Variants in PVT1 observed in about 807,000 individuals in gnomAD.
PVT1 encodes Pvt1 oncogene.
intron 3 of PVT1, among the ~76,000 whole-genome samples, chr8:127,928,457 GTCT>G (rs1816159209): frequency 6.6e-6 from 1 of 152,174 alleles, no homozygotes; most frequent in Admixed American, 6.5e-5. Flanking sequence ...GTCCTGAATT[GTCT>G]TCTTTATCAT....
chr8:128,040,857 TTGTA>T (rs1222632490), intron 4 of PVT1, among the ~76,000 whole-genome samples: 5 of 151,714 alleles, frequency 3.3e-5, no homozygotes, highest in African/African-American at 1.2e-4. Flanking sequence ...GCTTGTGTAT[TTGTA>T]TGTGTATTGT....
intron 2 of PVT1, among the ~76,000 whole-genome samples, chr8:127,817,381 ATATC>A (rs58873616): frequency 0.43 from 59,737 of 138,966 alleles, 13,425 homozygotes; most frequent in African/African-American, 0.53. Context: ...TTAAATATAT[ATATC>A]TATTTAATAT....
intron 3 of PVT1, among the ~76,000 whole-genome samples, chr8:127,942,399 C>T (rs994085476): frequency 2.0e-4 from 31 of 152,328 alleles, no homozygotes; most frequent in Admixed American, 8.5e-4. Context: ...CCACCTCTCT[C>T]ATTAAGGCTT....
chr8:127,957,640 T>C (rs1563650076), intron 3 of PVT1, among the ~76,000 whole-genome samples: 1 of 151,732 alleles, frequency 6.6e-6, no homozygotes, highest in Non-Finnish European at 1.5e-5. Flanking sequence ...TGGTCTTCAT[T>C]TTATAGGTGA....
intron 3 of PVT1, among the ~76,000 whole-genome samples, chr8:127,949,618 T>C (rs1164926386): frequency 1.3e-5 from 2 of 151,808 alleles, no homozygotes; most frequent in East Asian, 3.9e-4. Flanking sequence ...CACCCAGACC[T>C]GCCGTGCTAT....
intron 6 of PVT1, among the ~76,000 whole-genome samples, chr8:128,097,915 C>G (rs1814449094): frequency 6.6e-6 from 1 of 152,176 alleles, no homozygotes; most frequent in Non-Finnish European, 1.5e-5. Flanking sequence ...CAGCCAGCTC[C>G]TACTCAGAGA....
rs763124076 is a variant in PVT1, at chr8:128,044,015, ATTTT to A, written n.913-26133_913-26130del. 2.4e-3 allele frequency among the ~76,000 whole-genome samples: 301 copies of A among 127,396 alleles called. 3 individuals carry two copies. The highest frequency in any genetic ancestry group is 0.015 in the Middle Eastern group (4 of 274). The allele number at this position is 127,396 out of a possible 152,430, so 83.6% of individuals were successfully genotyped here. On this transcript the variant is annotated intron_variant and non_coding_transcript_variant, in intron 4 of 10. Transcript: ENST00000651587. The stretch of plus-strand genomic sequence containing the variant: ...TTAATTTTTTTATTATTATTTATTT[ATTTT>A]TTTTTTTTTTTGTAGAGAAGGGGTC...
At chr8:128,095,842 A>G (rs1214816512) in intron 5 of PVT1, among the ~76,000 whole-genome samples, 1 of 152,244 alleles carries the variant, frequency 6.6e-6, no homozygotes, top group Non-Finnish European at 1.5e-5. Flanking sequence ...TGCCCTTTCT[A>G]AGATACTTAT....
At chr8:127,959,911 G>A (rs1164677245) in intron 3 of PVT1, among the ~76,000 whole-genome samples, 1 of 152,180 alleles carries the variant, frequency 6.6e-6, no homozygotes, top group Admixed American at 6.5e-5. Context: ...ATTTCTGGAA[G>A]CAGGGAATTG....
intron 2 of PVT1, among the ~76,000 whole-genome samples, chr8:127,854,316 G>A (rs1275061878): frequency 6.6e-6 from 1 of 152,224 alleles, no homozygotes; most frequent in East Asian, 1.9e-4. Flanking sequence ...CCCTGCTCCT[G>A]GAGGCAGCTC....
intron 3 of PVT1, among the ~76,000 whole-genome samples, chr8:127,961,476 G>A (rs1390157206): frequency 1.3e-5 from 2 of 152,194 alleles, no homozygotes; most frequent in South Asian, 2.1e-4. Context: ...TAGGAAATGC[G>A]GAGGTGATGG....
chr8:128,031,640 G>T (rs1813390223), intron 4 of PVT1, among the ~76,000 whole-genome samples: 2 of 152,228 alleles, frequency 1.3e-5, no homozygotes, highest in Admixed American at 1.3e-4. Flanking sequence ...AATGATAACA[G>T]TGACAGTAGT....
intron 5 of PVT1, among the ~76,000 whole-genome samples, chr8:128,076,194 T>A (rs1212064347): frequency 6.6e-6 from 1 of 152,166 alleles, no homozygotes; most frequent in Non-Finnish European, 1.5e-5. Flanking sequence ...TCATTTCTTC[T>A]CCCGGGACGT....
intron 5 of PVT1, among the ~76,000 whole-genome samples, chr8:128,092,184 G>GTTTCCCATTTATTTTTCTC (rs1814365042): frequency 6.6e-6 from 1 of 152,136 alleles, no homozygotes; most frequent in Non-Finnish European, 1.5e-5. Flanking sequence ...CCCCCCTGCT[G>GTTTCCCATTTATTTTTCTC]TTTCCCATTT....
chr8:127,958,345 T>C (rs1188090492), intron 3 of PVT1, among the ~76,000 whole-genome samples: 1 of 152,098 alleles, frequency 6.6e-6, no homozygotes, highest in Non-Finnish European at 1.5e-5. Context: ...GTTCAAGTGA[T>C]TGTCCTGCCT....
intron 3 of PVT1, among the ~76,000 whole-genome samples, chr8:127,988,974 G>A (rs1817000819): frequency 6.6e-6 from 1 of 152,202 alleles, no homozygotes. Flanking sequence ...AGTTTAATGT[G>A]TATAAAATGC....
At chr8:127,957,296 CGGT>C (rs1326608173) in intron 3 of PVT1, among the ~76,000 whole-genome samples, 2 of 152,220 alleles carry the variant, frequency 1.3e-5, no homozygotes, top group East Asian at 3.9e-4. Context: ...TGGCTGGACA[CGGT>C]GGCTCATGCC....
intron 2 of PVT1, among the ~76,000 whole-genome samples, chr8:127,880,514 T>C (rs1815453650): frequency 6.6e-6 from 1 of 151,222 alleles, no homozygotes; most frequent in Admixed American, 6.6e-5. Flanking sequence ...GCCAGGATGG[T>C]CTCGATCTCC....
chr8:128,022,199 C>A (rs1817446272), intron 4 of PVT1, among the ~76,000 whole-genome samples: 1 of 152,178 alleles, frequency 6.6e-6, no homozygotes, highest in South Asian at 2.1e-4. Flanking sequence ...TTACAATGTG[C>A]TCTCCTTATC....
Sources: gnomAD v4.1 joint callset for allele counts (sites outside exome capture counted in the v4.1 genomes callset) on GRCh38, gnomAD v4.1.1 for gene constraint, MANE v1.5 for transcripts, NCBI Gene and HGNC (gene_info 2026-07-23, HGNC 2026-07-21) for gene names.